The following ANKS1B variants were observed in gnomAD, a reference collection of about 807,000 sequenced individuals.
ANKS1B encodes the protein ankyrin repeat and sterile alpha motif domain-containing protein 1B.
ANKS1B carries 36 observed loss-of-function variants against 148.3 expected under a neutral mutation model. The ratio of observed to expected loss-of-function variants is 0.24; its 90% CI spans 0.19 to 0.32. The LOEUF is 0.32. Among genes scored for constraint, ANKS1B ranks in the 10% least tolerant of loss-of-function variants. ANKS1B has a pLI of 1.00. For missense variants in ANKS1B, 1,157 were observed against 1,542.6 expected, an observed-to-expected ratio of 0.75 and a Z score of 4.19; for synonymous variants, 542 against 560.8, an observed-to-expected ratio of 0.97 and a Z score of 0.47.
intron 14 of ANKS1B, among the ~76,000 whole-genome samples, chr12:99,230,693 C>T (rs969384597): frequency 4.6e-5 from 7 of 152,028 alleles, no homozygotes; most frequent in Non-Finnish European, 7.4e-5. Context: ...TACATTTTAG[C>T]GTCTGTGGTG....
chr12:99,322,542 A>G (rs1252475046), intron 12 of ANKS1B, among the ~76,000 whole-genome samples: 1 of 152,156 alleles, frequency 6.6e-6, no homozygotes, highest in East Asian at 1.9e-4. Flanking sequence ...TACAGGAACA[A>G]AAACAAAACA....
intron 12 of ANKS1B, among the ~76,000 whole-genome samples, chr12:99,265,047 C>T (rs887097584): frequency 6.6e-6 from 1 of 152,122 alleles, no homozygotes; most frequent in African/African-American, 2.4e-5. Context: ...GATTACTGTG[C>T]ACTTGACATG....
At chr12:99,889,971 C>G (rs1030177027) in intron 1 of ANKS1B, among the ~76,000 whole-genome samples, 1 of 152,052 alleles carries the variant, frequency 6.6e-6, no homozygotes, top group Non-Finnish European at 1.5e-5. Context: ...AATGTGAACT[C>G]CAGGCTGAGA....
At chr12:99,776,935 G>A (rs1007288579) in intron 6 of ANKS1B, among the ~76,000 whole-genome samples, 2 of 151,898 alleles carry the variant, frequency 1.3e-5, no homozygotes, top group African/African-American at 4.8e-5. Flanking sequence ...CGCCCACCTC[G>A]GCCTCCCAAA....
chr12:99,055,727 G>T (rs934668191), intron 16 of ANKS1B, among the ~76,000 whole-genome samples: 25 of 149,522 alleles, frequency 1.7e-4, no homozygotes, highest in Non-Finnish European at 3.4e-4. Flanking sequence ...AACTTGGGGG[G>T]GGGGGAGGTG....
chr12:98,895,340 C>A, intron 17 of ANKS1B: 3 of 983,280 alleles, frequency 3.1e-6, no homozygotes, highest in Non-Finnish European at 3.6e-6. Flanking sequence ...GGGAGGCCGC[C>A]GGGGCGGTAG....
intron 17 of ANKS1B, among the ~76,000 whole-genome samples, chr12:98,935,188 A>C (rs1428793761): frequency 1.3e-5 from 2 of 152,194 alleles, no homozygotes; most frequent in Admixed American, 1.3e-4. Context: ...TTTTATCATC[A>C]AAGGATGTTG....
chr12:99,627,478 C>T (rs1028468307), intron 9 of ANKS1B, among the ~76,000 whole-genome samples: 2 of 152,092 alleles, frequency 1.3e-5, no homozygotes, highest in Non-Finnish European at 2.9e-5. Context: ...AAATGGAGGG[C>T]GATTCAGAGA....
intron 16 of ANKS1B, among the ~76,000 whole-genome samples, chr12:99,064,232 A>G (rs1599281715): frequency 6.6e-6 from 1 of 152,184 alleles, no homozygotes; most frequent in African/African-American, 2.4e-5. Flanking sequence ...CTGTCTCTCA[A>G]TGTTCTAGGT....
At chr12:99,847,101 TTTTC>T (rs983543944) in intron 1 of ANKS1B, among the ~76,000 whole-genome samples, 3 of 151,874 alleles carry the variant, frequency 2.0e-5, no homozygotes, top group Admixed American at 1.3e-4. Flanking sequence ...TCTCTCTCTT[TTTTC>T]TTTCTTTTTT....
At chr12:99,614,157 G>A (rs754932275) in intron 9 of ANKS1B, among the ~76,000 whole-genome samples, 2 of 151,888 alleles carry the variant, frequency 1.3e-5, no homozygotes, top group Admixed American at 6.6e-5. Flanking sequence ...CATAGAGGCT[G>A]GGCATGGTGG....
chr12:98,816,959 T>C (rs886666807), intron 19 of ANKS1B, among the ~76,000 whole-genome samples: 1 of 151,882 alleles, frequency 6.6e-6, no homozygotes, highest in Non-Finnish European at 1.5e-5. Flanking sequence ...AGTCAGATTC[T>C]ACCAGAGATG....
chr12:99,436,216 A>C (rs1328990442), intron 11 of ANKS1B, among the ~76,000 whole-genome samples: 1 of 151,926 alleles, frequency 6.6e-6, no homozygotes, highest in Non-Finnish European at 1.5e-5. Context: ...TCAGTATTCC[A>C]CCTCGATTAT....
intron 15 of ANKS1B, among the ~76,000 whole-genome samples, chr12:99,126,856 G>A (rs1337587684): frequency 2.0e-5 from 3 of 151,948 alleles, no homozygotes; most frequent in Non-Finnish European, 4.4e-5. Context: ...CCCACTTTTG[G>A]TCCAAGCAAA....
At chr12:99,445,039 G>C (rs563468185) in intron 10 of ANKS1B, among the ~76,000 whole-genome samples, 1 of 151,968 alleles carries the variant, frequency 6.6e-6, no homozygotes, top group Non-Finnish European at 1.5e-5. Flanking sequence ...GAATTACTTG[G>C]ATGACTCATA....
chr12:98,735,026 T>C, exon 10 of ANKS1B: 1 of 390,472 alleles, frequency 2.6e-6, no homozygotes, highest in Admixed American at 4.4e-5. Flanking sequence ...GACAGGAGGA[T>C]TCCTTGAGCC....
intron 14 of ANKS1B, among the ~76,000 whole-genome samples, chr12:99,212,328 G>A (rs1043401264): frequency 4.7e-5 from 7 of 149,796 alleles, no homozygotes; most frequent in East Asian, 2.0e-4. Context: ...AATTTTTTTC[G>A]TACTTTTCCA....
intron 12 of ANKS1B, among the ~76,000 whole-genome samples, chr12:99,382,480 A>T (rs2093678741): frequency 1.3e-5 from 2 of 152,114 alleles, no homozygotes. Context: ...AGGTGGGTAG[A>T]TCACTTGAGG....
At chr12:99,381,228 C>T (rs1469994331) in intron 12 of ANKS1B, among the ~76,000 whole-genome samples, 1 of 152,132 alleles carries the variant, frequency 6.6e-6, no homozygotes, top group Admixed American at 6.5e-5. Flanking sequence ...CTTTTTGTGG[C>T]ATCCTTAAGA....
Sources: gnomAD v4.1 joint callset for allele counts (sites outside exome capture counted in the v4.1 genomes callset) on GRCh38, gnomAD v4.1.1 for gene constraint, MANE v1.5 for transcripts, NCBI Gene and HGNC (gene_info 2026-07-23, HGNC 2026-07-21) for gene names.